Variants in GFRA1 observed in about 807,000 individuals in gnomAD.
The protein encoded by GFRA1 is GDNF family receptor alpha 1, also known as GDNF family receptor alpha-1.
A neutral mutation model predicts 51.6 loss-of-function variants in GFRA1; 16 were observed. That is an observed-to-expected ratio of 0.31 (90% CI 0.21 to 0.47). The LOEUF is 0.47. Ranked by LOEUF, GFRA1 falls within the 20% of genes least tolerant of loss-of-function variation. The pLI, the probability that GFRA1 is intolerant of heterozygous loss-of-function variation, is 1.00. For synonymous variants in GFRA1, 270 were observed against 241.3 expected, an observed-to-expected ratio of 1.12 and a Z score of -1.10; for missense variants, 530 against 594.3, an observed-to-expected ratio of 0.89 and a Z score of 1.13.
At chr10:116,138,205 G>A (rs1240987275) in intron 5 of GFRA1, among the ~76,000 whole-genome samples, 3 of 152,094 alleles carry the variant, frequency 2.0e-5, no homozygotes, top group African/African-American at 7.2e-5. Context: ...TCACCTACTA[G>A]TACATTATTT....
In GFRA1 at chr10:116,057,229, T is replaced by A. The variant is rs923174577; in HGVS notation, c.*7169A>T. ...CAGGACGATGGACAAATGTGTCATCTTCTACCAGTGGGAAGCTCAGTAAAC... is the reference window on the plus strand; with the variant it reads ...CAGGACGATGGACAAATGTGTCATCATCTACCAGTGGGAAGCTCAGTAAAC... On this transcript the variant is annotated 3_prime_UTR_variant, in exon 11 of 11. Coordinates refer to ENST00000355422, the MANE Select transcript of GFRA1 (RefSeq NM_005264.8). The A allele has an allele frequency of 6.6e-6, 1 of 152,196 alleles. No homozygotes were observed. Among genetic ancestry groups the A allele is most frequent in the Non-Finnish European group, 1.5e-5 (1 of 68,046 alleles). The allele number at this position is 152,196 out of a possible 1,614,324, so 9.4% of individuals were successfully genotyped here. A position where few individuals can be genotyped will look rare whatever the true frequency, so the allele number is the denominator to read the frequency against.
At chr10:116,163,161 T>C (rs1180514693) in intron 5 of GFRA1, among the ~76,000 whole-genome samples, 1 of 152,160 alleles carries the variant, frequency 6.6e-6, no homozygotes, top group African/African-American at 2.4e-5. Context: ...ACACCTCTAG[T>C]TATTCTCTGG....
rs1257041237 is a variant in GFRA1, at chr10:116,066,838, C to A, written c.1198-1212G>T. The stretch of plus-strand genomic sequence containing the variant: ...CGGGCTGAGCCCTGGTTAAGCGTTA[C>A]ACTTGAATCAAGGAGGACCTGGGCA... On this transcript the variant is annotated intron_variant, in intron 9 of 10. Transcript: ENST00000355422. 4.6e-5 allele frequency among the ~76,000 whole-genome samples: 7 copies of A among 152,320 alleles called. No individual in the cohort carries two copies. The South Asian group carries it at 1.2e-3, about 27-fold the overall frequency.
At chr10:116,156,084 C>A (rs1320194374) in intron 5 of GFRA1, among the ~76,000 whole-genome samples, 1 of 152,150 alleles carries the variant, frequency 6.6e-6, no homozygotes, top group Non-Finnish European at 1.5e-5. Flanking sequence ...AAGCAGGCAA[C>A]GCAAAGCTCC....
chr10:116,259,306 G>A (rs937087165), intron 4 of GFRA1, among the ~76,000 whole-genome samples: 1 of 145,982 alleles, frequency 6.9e-6, no homozygotes, highest in Non-Finnish European at 1.5e-5. Context: ...CCTTAAAGTG[G>A]GACTCAACTA....
At chr10:116,193,882 A>T (rs1963488399) in intron 5 of GFRA1, among the ~76,000 whole-genome samples, 2 of 151,840 alleles carry the variant, frequency 1.3e-5, no homozygotes, top group African/African-American at 4.8e-5. Flanking sequence ...TAAAAATACA[A>T]AAAGAAATTA....
chr10:116,163,913 TG>T (rs1473613780), intron 5 of GFRA1, among the ~76,000 whole-genome samples: 1 of 152,206 alleles, frequency 6.6e-6, no homozygotes, highest in Non-Finnish European at 1.5e-5. Context: ...ATGTTAGACA[TG>T]GGATGCCACC....
At chr10:116,069,661 A>G (rs1955284509) in intron 9 of GFRA1, among the ~76,000 whole-genome samples, 3 of 152,206 alleles carry the variant, frequency 2.0e-5, no homozygotes, top group Non-Finnish European at 4.4e-5. Context: ...AATGCATTAG[A>G]GGCTGTTAAC....
chr10:116,078,859 T>C (rs578121582), intron 9 of GFRA1, among the ~76,000 whole-genome samples: 2 of 152,156 alleles, frequency 1.3e-5, no homozygotes, highest in Non-Finnish European at 2.9e-5. Flanking sequence ...TCCACGTTGC[T>C]ACCGTCATTT....
intron 5 of GFRA1, among the ~76,000 whole-genome samples, chr10:116,199,308 C>T (rs150712241): frequency 9.1e-4 from 138 of 152,322 alleles, no homozygotes; most frequent in African/African-American, 3.0e-3. Context: ...GCGCTGCAGC[C>T]GGACCCCAAA....
chr10:116,170,951 C>G (rs1172256890), intron 5 of GFRA1, among the ~76,000 whole-genome samples: 1 of 152,218 alleles, frequency 6.6e-6, no homozygotes. Flanking sequence ...CTTTTGCTAA[C>G]ACATCCCAGC....
At chr10:116,155,930 C>T (rs1022752180) in intron 5 of GFRA1, among the ~76,000 whole-genome samples, 1 of 152,200 alleles carries the variant, frequency 6.6e-6, no homozygotes, top group Non-Finnish European at 1.5e-5. Context: ...TCCAGCACAC[C>T]CACCAAAAGC....
rs369256918 is a variant in GFRA1, at chr10:116,257,141, C to T, written c.418+12362G>A. Among the ~76,000 whole-genome samples, 4 of 152,314 alleles carry T rather than the reference C, an allele frequency of 2.6e-5. No individual in the cohort carries two copies. In the South Asian group the frequency reaches 6.2e-4, roughly 24 times the overall value. ...CCATGCCACTCAGCATCCACAGGGT[C>T]CCAATGAACCGTTGTCAGAGACCAC... On this transcript the variant is annotated intron_variant, in intron 4 of 10. Transcript: ENST00000355422.
chr10:116,101,646 G>C (rs1956819312), intron 6 of GFRA1, among the ~76,000 whole-genome samples: 3 of 152,174 alleles, frequency 2.0e-5, no homozygotes. Flanking sequence ...AACAGTTTTA[G>C]GAAAGTAGTG....
chr10:116,086,599 C>T lies in GFRA1; in HGVS notation c.1197+3142G>A, dbSNP rs530773808. On this transcript the variant is annotated intron_variant, in intron 9 of 10. Coordinates refer to ENST00000355422, the MANE Select transcript of GFRA1 (RefSeq NM_005264.8). The stretch of plus-strand genomic sequence containing the variant: ...TGTGCAAAAAGGGGCTCATGCAGGT[C>T]GTCATCTTAGGAGTCAAAGTGAGGT... Among the ~76,000 whole-genome samples the T allele has an allele frequency of 3.3e-5, 5 of 152,216 alleles. No homozygotes were observed. The South Asian group carries it at 6.2e-4, about 19-fold the overall frequency.
At chr10:116,113,760 C>G (rs1228210683) in intron 6 of GFRA1, among the ~76,000 whole-genome samples, 1 of 152,130 alleles carries the variant, frequency 6.6e-6, no homozygotes, top group Non-Finnish European at 1.5e-5. Context: ...TCCAGCGGCA[C>G]CACTTGGGTG....
intron 4 of GFRA1, among the ~76,000 whole-genome samples, chr10:116,262,247 G>C (rs185959546): frequency 8.0e-4 from 122 of 152,242 alleles, no homozygotes; most frequent in African/African-American, 2.9e-3. Flanking sequence ...TCTGTTAACA[G>C]GACCTACAGT....
chr10:116,103,395 G>GTCTA (rs1956890402), intron 6 of GFRA1, among the ~76,000 whole-genome samples: 1 of 152,192 alleles, frequency 6.6e-6, no homozygotes, highest in Non-Finnish European at 1.5e-5. Flanking sequence ...CTGTGTCTTA[G>GTCTA]TCTATCTTTG....
intron 6 of GFRA1, among the ~76,000 whole-genome samples, chr10:116,122,109 C>T (rs796286449): frequency 3.3e-5 from 5 of 152,174 alleles, no homozygotes; most frequent in African/African-American, 1.2e-4. Flanking sequence ...ATTCACCTTC[C>T]CAGGAAAGGC....
Sources: gnomAD v4.1 joint callset for allele counts (sites outside exome capture counted in the v4.1 genomes callset) on GRCh38, gnomAD v4.1.1 for gene constraint, MANE v1.5 for transcripts, NCBI Gene and HGNC (gene_info 2026-07-23, HGNC 2026-07-21) for gene names.